TTLL8: variants seen among roughly 807,000 people sequenced by gnomAD.
TTLL8 encodes tubulin tyrosine ligase like 8, also known as protein monoglycylase TTLL8.
TTLL8 carries 65 observed loss-of-function variants against 77.8 expected under a neutral mutation model. The observed-to-expected ratio is 0.84, with a 90% confidence interval of 0.68 to 1.03. The LOEUF (loss-of-function observed/expected upper bound fraction) is 1.03. Among genes scored for constraint, TTLL8 ranks in the 50% least tolerant of loss-of-function variants. TTLL8 has a pLI of 0.00. For missense variants in TTLL8, 910 were observed against 1,004.5 expected (o/e 0.91, Z 1.27); for synonymous variants, 402 against 422.8 (o/e 0.95, Z 0.60).
chr22:50,022,827 G>A (rs1028102061), intron 12 of TTLL8, among the ~76,000 whole-genome samples: 4 of 152,236 alleles, frequency 2.6e-5, no homozygotes, highest in African/African-American at 4.8e-5. Context: ...TGACTTTGTC[G>A]AAAACCCAAA....
intron 1 of TTLL8, among the ~76,000 whole-genome samples, chr22:50,051,687 C>A (rs1186019403): frequency 2.0e-5 from 3 of 152,156 alleles, no homozygotes; most frequent in African/African-American, 2.4e-5. Context: ...ACCACTTCCA[C>A]GCGGACCTCT....
intron 12 of TTLL8, among the ~76,000 whole-genome samples, chr22:50,026,527 A>C (rs1046660648): frequency 6.6e-6 from 1 of 152,206 alleles, no homozygotes; most frequent in African/African-American, 2.4e-5. Flanking sequence ...CCGCCACCTC[A>C]GAGCGGAGGG....
intron 11 of TTLL8, among the ~76,000 whole-genome samples, chr22:50,031,400 G>C (rs1052336627): frequency 6.6e-6 from 1 of 152,218 alleles, no homozygotes; most frequent in Admixed American, 6.5e-5. Flanking sequence ...GGGAACAAGA[G>C]GGAGGAAAGC....
chr22:50,046,190 G>A (rs1036784320), intron 4 of TTLL8, among the ~76,000 whole-genome samples: 1 of 152,174 alleles, frequency 6.6e-6, no homozygotes, highest in Admixed American at 6.5e-5. Context: ...GCCAGGCTCA[G>A]ACGCATCCTT....
At chr22:50,042,364 T>G (rs2034454133) in intron 6 of TTLL8, among the ~76,000 whole-genome samples, 1 of 152,206 alleles carries the variant, frequency 6.6e-6, no homozygotes, top group Admixed American at 6.5e-5. Context: ...TCGCCCAGGC[T>G]GGATGGCAAG....
Position 50,048,826 on chromosome 22 carries a change from G to A in TTLL8, c.264+423C>T, listed in dbSNP as rs149013540. 3.7e-4 allele frequency among the ~76,000 whole-genome samples: 56 copies of A among 152,344 alleles called. No individual in the cohort carries two copies. The East Asian group carries it at 8.7e-3, about 24-fold the overall frequency. ...TTTATGGTGGAGTGTTGGGAGCCCC[G>A]GAGGGACTAGGCTGGGCTGGGGAGG... On this transcript the variant is annotated intron_variant, in intron 3 of 13. Coordinates refer to ENST00000266182, the Ensembl canonical transcript of TTLL8.
chr22:50,024,803 G>A (rs1000969603), intron 12 of TTLL8, among the ~76,000 whole-genome samples: 7 of 152,234 alleles, frequency 4.6e-5, no homozygotes, highest in African/African-American at 1.7e-4. Context: ...GGGCTCTGAT[G>A]GGTGAATGAT....
chr22:50,047,190 T>A lies in TTLL8; in HGVS notation c.371A>T (p.Lys124Met), dbSNP rs377381307. 2.9e-6 allele frequency: 4 copies of A among 1,367,402 alleles called. No individual in the cohort carries two copies. The East Asian group carries it at 1.4e-4, about 47-fold the overall frequency. 84.7% of individuals were successfully genotyped at this position (1,367,402 alleles called of 1,614,324 possible). Residue 124 changes from lysine to methionine, a missense_variant, in exon 4 of 14, where the codon AAG becomes ATG. Physicochemically the swap from Lys to Met is moderately conservative, Grantham distance 95 (BLOSUM62 -1). Around this residue, in one of 2 missense-constraint regions of TTLL8, gnomAD observed 776 missense variants for 926.1 expected, o/e 0.84. Transcript: ENST00000266182. ...CACCTTGGTGGTGAAGGAGGCTGTCTTTGCGTAGTGGTTCAGCATCTGGTC... is the reference window on the plus strand; with the variant it reads ...CACCTTGGTGGTGAAGGAGGCTGTCATTGCGTAGTGGTTCAGCATCTGGTC...
upstream of TTLL8, chr22:50,056,937 C>G: frequency 7.8e-7 from 1 of 1,289,760 alleles, no homozygotes; most frequent in South Asian, 1.2e-5. The surrounding 1 kb of genome is among the most constrained non-coding windows in gnomAD (Gnocchi z 4.1). Context: ...TGGTTCCATA[C>G]TGGCCTCCGA....
At chr22:50,057,414 AGGTCTGGGTTGGG>A, upstream of TTLL8, among the ~76,000 whole-genome samples, 1 of 15,138 alleles carries the variant, frequency 6.6e-5, no homozygotes, top group Non-Finnish European at 1.2e-4. Context: ...GTTGGGCGGG[AGGTCTGGGTTGGG>A]GGTCAGGTCT....
At chr22:50,040,615 T>A (rs1883291) in intron 8 of TTLL8, among the ~76,000 whole-genome samples, 78,938 of 152,094 alleles carry the variant, frequency 0.52, 20,850 homozygotes, top group Non-Finnish European at 0.57. Context: ...GCAAAATTTC[T>A]TCCACCTGTA....
At chr22:50,023,129 T>C (rs539998791) in intron 12 of TTLL8, among the ~76,000 whole-genome samples, 15 of 152,364 alleles carry the variant, frequency 9.8e-5, no homozygotes, top group Non-Finnish European at 1.8e-4. Flanking sequence ...AAATAAAATT[T>C]CAAATACTAT....
At chr22:50,055,308 A>G (rs1021360672), upstream of TTLL8, 4 of 1,290,060 alleles carry the variant, frequency 3.1e-6, no homozygotes, top group Non-Finnish European at 4.0e-6. Context: ...AAGTCTTGGG[A>G]AATTCCTTGT....
intron 8 of TTLL8, among the ~76,000 whole-genome samples, chr22:50,037,556 T>G (rs1035387200): frequency 6.6e-6 from 1 of 152,228 alleles, no homozygotes; most frequent in Admixed American, 6.5e-5. Flanking sequence ...AACTAATTTT[T>G]GTGTATTTGT....
rs1159923272 is a variant in TTLL8, at chr22:50,034,279, C to T, written c.1039+66G>A. The T allele has an allele frequency of 3.8e-6, 5 of 1,304,968 alleles. No individual in the cohort carries two copies. The Admixed American group carries it at 1.1e-4, about 28-fold the overall frequency. 80.8% of individuals were successfully genotyped at this position (1,304,968 alleles called of 1,614,324 possible). On this transcript the variant is annotated intron_variant, in intron 9 of 13. Coordinates refer to ENST00000266182, the Ensembl canonical transcript of TTLL8. The surrounding 1 kb of genome is among the most constrained non-coding windows in gnomAD (Gnocchi z 4.1). ...GCTGTGGGCCTGAAACTGTCCCTCA[C>T]TCACGGCTCCTGGCATCAAGTGTGG...
At chr22:50,021,261 CAAT>C (rs1469896083) in intron 12 of TTLL8, among the ~76,000 whole-genome samples, 4 of 126,738 alleles carry the variant, frequency 3.2e-5, no homozygotes, top group African/African-American at 3.1e-5. Flanking sequence ...CTCCATCTGA[CAAT>C]GTGCACTCCT....
At chr22:50,037,348 C>T (rs936557189) in intron 8 of TTLL8, among the ~76,000 whole-genome samples, 1 of 152,028 alleles carries the variant, frequency 6.6e-6, no homozygotes, top group Non-Finnish European at 1.5e-5. Flanking sequence ...GCTGGGACTA[C>T]AGGCACGCAC....
intron 12 of TTLL8, among the ~76,000 whole-genome samples, chr22:50,022,319 A>G (rs117957229): frequency 0.024 from 2,910 of 122,428 alleles, 50 homozygotes; most frequent in Non-Finnish European, 0.037. Flanking sequence ...CACTCCTCCG[A>G]CGACGTGCAC....
At chr22:50,043,464 T>G (rs2061387377) in intron 6 of TTLL8, among the ~76,000 whole-genome samples, 1 of 145,872 alleles carries the variant, frequency 6.9e-6, no homozygotes, top group Non-Finnish European at 1.5e-5. Flanking sequence ...GATGGATAGA[T>G]AGATAAACAG....
Sources: gnomAD v4.1 joint callset for allele counts (sites outside exome capture counted in the v4.1 genomes callset) on GRCh38, gnomAD v4.1.1 for gene constraint, gnomAD v4.1.1 regional missense constraint, Gnocchi (gnomAD v3.1) non-coding constraint, MANE v1.5 for transcripts, NCBI Gene and HGNC (gene_info 2026-07-23, HGNC 2026-07-21) for gene names.